MGAT4C: variants seen among roughly 807,000 people sequenced by gnomAD.
MGAT4C encodes MGAT4 family member C.
A neutral mutation model predicts 40.1 loss-of-function variants in MGAT4C; 19 were observed. That is an observed-to-expected ratio of 0.47 (90% CI 0.33 to 0.70). MGAT4C has a LOEUF of 0.70. Ranked by LOEUF, MGAT4C falls within the 30% of genes least tolerant of loss-of-function variation. The pLI, the probability that MGAT4C is intolerant of heterozygous loss-of-function variation, is 0.02. For synonymous variants in MGAT4C, 181 were observed against 187.1 expected (o/e 0.97, Z 0.27); for missense variants, 491 against 563.2 (o/e 0.87, Z 1.30).
At chr12:86,832,669 G>T (rs960108989) in intron 1 of MGAT4C, among the ~76,000 whole-genome samples, 12 of 151,662 alleles carry the variant, frequency 7.9e-5, no homozygotes, top group Admixed American at 2.0e-4. Flanking sequence ...ATAAAACCGT[G>T]CCATGGTTTG....
intron 2 of MGAT4C, among the ~76,000 whole-genome samples, chr12:86,512,551 C>T (rs1055279939): frequency 1.5e-4 from 23 of 151,346 alleles, no homozygotes; most frequent in African/African-American, 5.3e-4. Context: ...GATGTATAAA[C>T]GGACAAAGCA....
chr12:86,527,010 C>T (rs996905927), intron 2 of MGAT4C, among the ~76,000 whole-genome samples: 5 of 152,162 alleles, frequency 3.3e-5, no homozygotes, highest in Non-Finnish European at 5.9e-5. Flanking sequence ...CCAGCTTCCT[C>T]CTCCTTCAGT....
chr12:86,183,186 C>T (rs61929485), intron 1 of MGAT4C, among the ~76,000 whole-genome samples: 11,166 of 152,128 alleles, frequency 0.073, 575 homozygotes, highest in Middle Eastern at 0.22. Context: ...CATTTCTCTC[C>T]TATATTTTTC....
intron 3 of MGAT4C, among the ~76,000 whole-genome samples, chr12:86,353,921 C>T (rs1045351296): frequency 4.0e-5 from 6 of 151,894 alleles, no homozygotes; most frequent in African/African-American, 9.7e-5. Flanking sequence ...TCAAGGCCTC[C>T]GGTATTTAGA....
At chr12:86,657,330 A>T (rs1251392988) in intron 2 of MGAT4C, among the ~76,000 whole-genome samples, 1 of 151,916 alleles carries the variant, frequency 6.6e-6, no homozygotes, top group Admixed American at 6.6e-5. Flanking sequence ...TTCATTATAG[A>T]ATGTCCTCAT....
Position 86,357,916 on chromosome 12 carries a change from T to C in MGAT4C, c.-119-23789A>G, listed in dbSNP as rs570505856. 9.9e-5 allele frequency among the ~76,000 whole-genome samples: 15 copies of C among 152,252 alleles called. No individual in the cohort carries two copies. The South Asian group carries it at 2.5e-3, about 25-fold the overall frequency. On this transcript the variant is annotated intron_variant, in intron 3 of 7. Coordinates refer to the MGAT4C transcript ENST00000548651. ...TTGGAAAATATTCTTCAGGATATTA[T>C]CCAGGAGAACTTCCCCAACCTAGCA...
chr12:86,047,765 C>T (rs1892535081), intron 2 of MGAT4C, among the ~76,000 whole-genome samples: 1 of 152,122 alleles, frequency 6.6e-6, no homozygotes, highest in Non-Finnish European at 1.5e-5. Context: ...TGAATGAATT[C>T]ATGCTATTTG....
intron 1 of MGAT4C, among the ~76,000 whole-genome samples, chr12:86,757,487 G>A (rs1461808338): frequency 6.6e-6 from 1 of 151,970 alleles, no homozygotes; most frequent in Non-Finnish European, 1.5e-5. Context: ...GCAGAGATGC[G>A]TGTGTGTAAA....
intron 1 of MGAT4C, among the ~76,000 whole-genome samples, chr12:86,229,712 T>C (rs976875397): frequency 6.6e-6 from 1 of 151,992 alleles, no homozygotes; most frequent in Non-Finnish European, 1.5e-5. Flanking sequence ...AAGATGAGCA[T>C]CTTAAAATGG....
chr12:86,685,446 GTA>G (rs1228344485), intron 2 of MGAT4C, among the ~76,000 whole-genome samples: 3 of 152,158 alleles, frequency 2.0e-5, no homozygotes, highest in African/African-American at 7.2e-5. Context: ...TAGCCTTGTA[GTA>G]TAGTTTGAAG....
chr12:85,980,028 A>G lies in MGAT4C; in HGVS notation c.698T>C (p.Phe233Ser). The G allele has an allele frequency of 6.2e-7, 1 of 1,613,714 alleles. No homozygotes were observed. Among genetic ancestry groups the G allele is most frequent in the African/African-American group, 1.3e-5 (1 of 75,034 alleles). The change falls in exon 5 of 5, where the codon TTC becomes TCC. Residue 233 changes from phenylalanine (F) to serine (S), a missense_variant. By Grantham distance (155) the Phe-to-Ser change is radical. Transcript: ENST00000611864. ...AATGACTTTCTTGATGGCAGTTAAG[A>G]AATTTTTTGAACATCGAACATCATC... ...LEDDVRCSKN[F>S]LTAIKKVIAS...
intron 4 of MGAT4C, among the ~76,000 whole-genome samples, chr12:86,311,042 C>T (rs1445896523): frequency 6.6e-6 from 1 of 152,234 alleles, no homozygotes; most frequent in East Asian, 1.9e-4. Context: ...CTGCTCTTCT[C>T]CAGATGACTT....
chr12:86,553,047 T>C (rs1461557935), intron 2 of MGAT4C, among the ~76,000 whole-genome samples: 2 of 152,082 alleles, frequency 1.3e-5, no homozygotes, highest in African/African-American at 4.8e-5. Flanking sequence ...TCATTTGCTT[T>C]TTCTAGATAT....
chr12:86,771,773 G>T (rs776647288), intron 1 of MGAT4C, among the ~76,000 whole-genome samples: 1 of 151,562 alleles, frequency 6.6e-6, no homozygotes, highest in Non-Finnish European at 1.5e-5. Flanking sequence ...CTTTGGTAAG[G>T]TATTAGAGGG....
chr12:86,561,365 G>A (rs886140598), intron 2 of MGAT4C, among the ~76,000 whole-genome samples: 4 of 152,186 alleles, frequency 2.6e-5, no homozygotes, highest in African/African-American at 9.6e-5. Flanking sequence ...TTAAAATAGA[G>A]TCAGTGAACT....
Position 85,979,345 on chromosome 12 carries a change from T to C in MGAT4C, c.1381A>G (p.Thr461Ala), listed in dbSNP as rs779299698. ...FDIHCMRIYV[T>A]KTQKEWLIIR... Reference sequence around the variant, plus strand: ...ATTAGCCATTCCTTTTGTGTTTTGGTGACATATATCCTCATACAATGTATA... The same window carrying C: ...ATTAGCCATTCCTTTTGTGTTTTGGCGACATATATCCTCATACAATGTATA... The change falls in exon 5 of 5, where the codon ACC becomes GCC. Residue 461 changes from threonine (T) to alanine (A), a missense_variant. Coordinates refer to ENST00000611864, the MANE Select transcript of MGAT4C (RefSeq NM_001351288.2). 6.2e-7 allele frequency: 1 copy of C among 1,609,506 alleles called. No individual in the cohort carries two copies. Among genetic ancestry groups the C allele is most frequent in the East Asian group, 2.2e-5 (1 of 44,766 alleles).
chr12:86,306,827 A>G lies in MGAT4C; in HGVS notation c.-57+27238T>C, dbSNP rs1023865948. Among the ~76,000 whole-genome samples, 10 of 125,552 alleles carry G rather than the reference A, an allele frequency of 8.0e-5. 1 individual carries two copies. Among genetic ancestry groups the G allele is most frequent in the African/African-American group, 3.0e-4 (10 of 32,818 alleles). 82.4% of individuals were successfully genotyped at this position (125,552 alleles called of 152,430 possible). ...TAGAAAATAATAAGATGATTGAACT[A>G]TAGACAGATAAAGGGATACGTGATA... On this transcript the variant is annotated intron_variant, in intron 4 of 7. Coordinates refer to the MGAT4C transcript ENST00000548651.
At chr12:86,413,495 G>A (rs533036647) in intron 3 of MGAT4C, among the ~76,000 whole-genome samples, 1 of 152,136 alleles carries the variant, frequency 6.6e-6, no homozygotes, top group African/African-American at 2.4e-5. Context: ...AGGTGAGAAG[G>A]GACAAGATCT....
chr12:86,787,310 A>G (rs1951946688), intron 1 of MGAT4C, among the ~76,000 whole-genome samples: 1 of 132,512 alleles, frequency 7.5e-6, no homozygotes, highest in Non-Finnish European at 1.7e-5. Flanking sequence ...TTGCCTCAAA[A>G]GACATGATTT....
Sources: allele counts gnomAD v4.1 joint callset (sites outside exome capture counted in the v4.1 genomes callset), GRCh38; gene constraint gnomAD v4.1.1; transcripts MANE v1.5; gene names NCBI Gene and HGNC (gene_info 2026-07-23, HGNC 2026-07-21).